DAB1: variants seen among roughly 807,000 people sequenced by gnomAD.
DAB1 encodes the protein disabled homolog 1.
In DAB1, 15 loss-of-function variants were observed where a neutral mutation model predicts 64.6. The ratio of observed to expected loss-of-function variants is 0.23; its 90% CI spans 0.16 to 0.36. The LOEUF is 0.36. Ranked by LOEUF, DAB1 falls within the 10% of genes least tolerant of loss-of-function variation. The pLI is 1.00. For missense variants in DAB1, 596 were observed against 706.7 expected, an observed-to-expected ratio of 0.84 and a Z score of 1.78; for synonymous variants, 235 against 251.9, an observed-to-expected ratio of 0.93 and a Z score of 0.64.
At chr1:58,160,270 C>T (rs910964577) in intron 4 of DAB1, among the ~76,000 whole-genome samples, 1 of 152,106 alleles carries the variant, frequency 6.6e-6, no homozygotes, top group South Asian at 2.1e-4. Context: ...TGGAGGGGAA[C>T]GGTCTCAGTT....
At chr1:58,196,058 G>T (rs1428275564) in intron 4 of DAB1, among the ~76,000 whole-genome samples, 1 of 152,196 alleles carries the variant, frequency 6.6e-6, no homozygotes, top group African/African-American at 2.4e-5. Flanking sequence ...AAAAGTAAAG[G>T]CATGAGTGGT....
At chr1:58,020,737 C>T (rs1443813999) in intron 5 of DAB1, among the ~76,000 whole-genome samples, 2 of 152,160 alleles carry the variant, frequency 1.3e-5, no homozygotes, top group African/African-American at 2.4e-5. Flanking sequence ...GGCGCGGTGG[C>T]TCACGCCTGT....
At chr1:57,046,436 C>T (rs1174398593) in intron 9 of DAB1, among the ~76,000 whole-genome samples, 2 of 152,054 alleles carry the variant, frequency 1.3e-5, no homozygotes, top group African/African-American at 4.8e-5. Flanking sequence ...CTTTTTTTTA[C>T]ACTAGACTTT....
At chr1:57,894,220 T>G (rs1398559054) in intron 5 of DAB1, among the ~76,000 whole-genome samples, 2 of 152,210 alleles carry the variant, frequency 1.3e-5, no homozygotes, top group Admixed American at 6.5e-5. Flanking sequence ...GTTCTTGCTC[T>G]AAAGCTTTTT....
intron 2 of DAB1, among the ~76,000 whole-genome samples, chr1:57,255,350 A>G (rs197645): frequency 0.58 from 87,734 of 151,956 alleles, 25,454 homozygotes; most frequent in Admixed American, 0.66. Context: ...CTAATATCCA[A>G]CTCTTCTATA....
chr1:57,271,025 A>C (rs1232668718), intron 2 of DAB1, among the ~76,000 whole-genome samples: 1 of 152,310 alleles, frequency 6.6e-6, no homozygotes, highest in East Asian at 1.9e-4. Flanking sequence ...CCAAAGTATA[A>C]AAGTTGGAAG....
chr1:58,171,000 G>A (rs1035392197), intron 4 of DAB1, among the ~76,000 whole-genome samples: 8 of 151,410 alleles, frequency 5.3e-5, no homozygotes, highest in African/African-American at 1.5e-4. Flanking sequence ...GTTACCATCC[G>A]AGGAATCCTG....
At chr1:57,793,537 A>T (rs1287097117) in intron 6 of DAB1, among the ~76,000 whole-genome samples, 3 of 152,136 alleles carry the variant, frequency 2.0e-5, no homozygotes, top group African/African-American at 4.8e-5. Flanking sequence ...AGGAACTTCC[A>T]GGGAGTCCCA....
chr1:57,534,984 A>G (rs1017371213), intron 7 of DAB1, among the ~76,000 whole-genome samples: 2 of 152,134 alleles, frequency 1.3e-5, no homozygotes, highest in Admixed American at 6.5e-5. Context: ...ATTTGCATCA[A>G]CTGTGTTCTC....
At chr1:57,226,541 T>C (rs1361324368) in intron 2 of DAB1, among the ~76,000 whole-genome samples, 3 of 151,998 alleles carry the variant, frequency 2.0e-5, no homozygotes, top group Non-Finnish European at 4.4e-5. Flanking sequence ...TCCTCTTTGG[T>C]CTGAGCCATT....
At chr1:57,629,335 T>C (rs181025030) in intron 7 of DAB1, among the ~76,000 whole-genome samples, 6 of 152,312 alleles carry the variant, frequency 3.9e-5, no homozygotes, top group Non-Finnish European at 8.8e-5. Context: ...GTAGATTTCA[T>C]GTGACCACTG....
At chr1:57,155,428 G>A (rs557042315) in intron 2 of DAB1, among the ~76,000 whole-genome samples, 1 of 151,924 alleles carries the variant, frequency 6.6e-6, no homozygotes, top group East Asian at 1.9e-4. Context: ...GGTTACTATA[G>A]CTCTGTAGTA....
chr1:57,752,244 C>A (rs143870746), intron 6 of DAB1, among the ~76,000 whole-genome samples: 2 of 152,298 alleles, frequency 1.3e-5, no homozygotes, highest in African/African-American at 4.8e-5. Context: ...CTTTCATTTT[C>A]TTGGCAAATG....
chr1:58,451,896 CA>C (rs914563653), intron 3 of DAB1, among the ~76,000 whole-genome samples: 1 of 149,846 alleles, frequency 6.7e-6, no homozygotes, highest in Non-Finnish European at 1.5e-5. Context: ...CAGTAAGAAG[CA>C]AAGCATCCAC....
intron 2 of DAB1, among the ~76,000 whole-genome samples, chr1:57,167,573 C>G (rs1254808653): frequency 6.6e-6 from 1 of 152,180 alleles, no homozygotes; most frequent in Non-Finnish European, 1.5e-5. Flanking sequence ...CCTCCAGCTC[C>G]TTTCCTGAGC....
chr1:57,140,116 G>A (rs964859601), intron 3 of DAB1, among the ~76,000 whole-genome samples: 1 of 152,092 alleles, frequency 6.6e-6, no homozygotes, highest in South Asian at 2.1e-4. Flanking sequence ...AACTAACAGA[G>A]GCCCAGGAGA....
At chr1:57,353,227 A>G (rs1293305717) in intron 1 of DAB1, among the ~76,000 whole-genome samples, 1 of 150,962 alleles carries the variant, frequency 6.6e-6, no homozygotes, top group Non-Finnish European at 1.5e-5. Context: ...ACCAACTTTC[A>G]TTATCTTTTC....
intron 7 of DAB1, among the ~76,000 whole-genome samples, chr1:57,509,952 G>C (rs1644388467): frequency 1.3e-5 from 2 of 152,184 alleles, no homozygotes; most frequent in African/African-American, 4.8e-5. Context: ...CTAATAATTT[G>C]CTCTTATTAT....
intron 9 of DAB1, among the ~76,000 whole-genome samples, chr1:57,044,270 T>C (rs188191411): frequency 5.3e-5 from 8 of 152,326 alleles, no homozygotes; most frequent in Admixed American, 4.6e-4. Flanking sequence ...GTGACCTGGG[T>C]TGGGACTTGG....
Sources: allele counts gnomAD v4.1 joint callset (sites outside exome capture counted in the v4.1 genomes callset), GRCh38; gene constraint gnomAD v4.1.1; transcripts MANE v1.5; gene names NCBI Gene and HGNC (gene_info 2026-07-23, HGNC 2026-07-21).